AUTS2: variants seen among roughly 807,000 people sequenced by gnomAD.
AUTS2 encodes activator of transcription and developmental regulator AUTS2.
A neutral mutation model predicts 112.4 loss-of-function variants in AUTS2; 17 were observed. That is an observed-to-expected ratio of 0.15 (90% CI 0.10 to 0.23). The LOEUF (loss-of-function observed/expected upper bound fraction) is 0.23, where lower values mean the gene tolerates loss of function less well. Among genes scored for constraint, AUTS2 ranks in the 10% least tolerant of loss-of-function variants. The pLI, the probability that AUTS2 is intolerant of heterozygous loss-of-function variation, is 1.00. For missense variants in AUTS2, 1,510 were observed against 1,701.6 expected (o/e 0.89, Z 1.98); for synonymous variants, 751 against 702.7 (o/e 1.07, Z -1.09).
intron 2 of AUTS2, among the ~76,000 whole-genome samples, chr7:69,911,423 C>G (rs1795354151): frequency 6.6e-6 from 1 of 152,146 alleles, no homozygotes; most frequent in African/African-American, 2.4e-5. Flanking sequence ...ACGTGGCGAG[C>G]AGGGGGGAAA....
At position 70,617,535 on chromosome 7, in the gene AUTS2, C is replaced by T. The variant is rs192734271; in HGVS notation, c.691-81034C>T. ...AAAATTAGCTGGGCGTGGTGGCGGG[C>T]GCCTGTAGTCCCAGCTACTCAGGAG... is the stretch of plus-strand genomic sequence containing the variant. On this transcript the variant is annotated intron_variant, in intron 5 of 18. Coordinates refer to ENST00000342771, the MANE Select transcript of AUTS2 (RefSeq NM_015570.4). Among the ~76,000 whole-genome samples, 397 of 152,024 alleles carry T rather than the reference C, an allele frequency of 2.6e-3. 2 individuals are homozygous for T. Among genetic ancestry groups the T allele is most frequent in the African/African-American group, 8.7e-3 (361 of 41,474 alleles).
chr7:70,167,342 G>T (rs1219187042), intron 4 of AUTS2, among the ~76,000 whole-genome samples: 1 of 152,002 alleles, frequency 6.6e-6, no homozygotes, highest in African/African-American at 2.4e-5. Flanking sequence ...AGTGATAAAG[G>T]GATCAGTCCA....
chr7:69,928,416 T>A (rs1010230005), intron 2 of AUTS2, among the ~76,000 whole-genome samples: 2 of 152,134 alleles, frequency 1.3e-5, no homozygotes, highest in Non-Finnish European at 2.9e-5. Context: ...CCTGTCTGCC[T>A]CCTGCCGTGA....
At chr7:69,744,687 A>G (rs1169768793) in intron 1 of AUTS2, among the ~76,000 whole-genome samples, 2 of 150,008 alleles carry the variant, frequency 1.3e-5, no homozygotes, top group African/African-American at 4.9e-5. Flanking sequence ...AAAAAAAAAA[A>G]TTAGCCGATG....
chr7:70,442,958 C>T (rs1796179968), intron 5 of AUTS2, among the ~76,000 whole-genome samples: 1 of 152,178 alleles, frequency 6.6e-6, no homozygotes, highest in African/African-American at 2.4e-5. Context: ...CACATTGATA[C>T]TATCCTTGGA....
intron 6 of AUTS2, among the ~76,000 whole-genome samples, chr7:70,726,811 C>G (rs1447881049): frequency 6.6e-6 from 1 of 152,148 alleles, no homozygotes; most frequent in Non-Finnish European, 1.5e-5. Context: ...GAGAGTGGAT[C>G]TGGCGCTTTT....
At chr7:70,243,687 A>G (rs898440018) in intron 4 of AUTS2, among the ~76,000 whole-genome samples, 6 of 152,158 alleles carry the variant, frequency 3.9e-5, no homozygotes, top group Non-Finnish European at 5.9e-5. Context: ...TCCATTCTTA[A>G]GATAACTGGC....
intron 4 of AUTS2, among the ~76,000 whole-genome samples, chr7:70,154,956 G>GC (rs991538332): frequency 1.3e-5 from 2 of 152,146 alleles, no homozygotes; most frequent in Non-Finnish European, 1.5e-5. Flanking sequence ...AGCTGTCAGA[G>GC]CCCCCCTGGG....
chr7:70,651,339 G>A (rs540837301), intron 5 of AUTS2, among the ~76,000 whole-genome samples: 172 of 152,304 alleles, frequency 1.1e-3, no homozygotes, highest in African/African-American at 4.0e-3. Context: ...GCAAACTCAC[G>A]AAACTGGGAA....
At chr7:70,767,074 CAGAT>C (rs1377438039) in intron 9 of AUTS2, among the ~76,000 whole-genome samples, 1 of 152,120 alleles carries the variant, frequency 6.6e-6, no homozygotes, top group Non-Finnish European at 1.5e-5. Flanking sequence ...TAAATATTCT[CAGAT>C]AGAGTCCTGT....
intron 4 of AUTS2, among the ~76,000 whole-genome samples, chr7:70,263,003 A>C (rs1160308944): frequency 6.6e-6 from 1 of 152,216 alleles, no homozygotes; most frequent in East Asian, 1.9e-4. Context: ...AACTTCAGTA[A>C]ATTTTATTAG....
intron 1 of AUTS2, among the ~76,000 whole-genome samples, chr7:69,706,869 A>G (rs1798082269): frequency 6.6e-6 from 1 of 152,190 alleles, no homozygotes; most frequent in African/African-American, 2.4e-5. Flanking sequence ...TCATTTGGTT[A>G]CACGATATCT....
chr7:70,170,950 C>T (rs933096273), intron 4 of AUTS2, among the ~76,000 whole-genome samples: 2 of 152,062 alleles, frequency 1.3e-5, no homozygotes, highest in Non-Finnish European at 2.9e-5. Flanking sequence ...CTTGCTTGCA[C>T]GTTGAATAGA....
At chr7:70,763,377 C>G (rs1330225432) in intron 7 of AUTS2, 36 bp downstream of exon 7, 14 of 1,486,162 alleles carry the variant, frequency 9.4e-6, no homozygotes, top group Middle Eastern at 1.8e-4. Context: ...TGACTTTTGC[C>G]CTCTCCCTGG....
At position 69,899,283 on chromosome 7, in the gene AUTS2, C is replaced by A; in HGVS notation, c.310-3C>A. 1.2e-6 allele frequency: 2 copies of A among 1,610,076 alleles called. No individual in the cohort carries two copies. The highest frequency in any genetic ancestry group is 1.7e-6 in the Non-Finnish European group (2 of 1,176,560). On this transcript the variant is annotated splice_region_variant and splice_polypyrimidine_tract_variant and intron_variant, in intron 1 of 18. Transcript: ENST00000342771. The stretch of plus-strand genomic sequence containing the variant: ...TTCCCTTTCCTTCTCTTCTTTTCTA[C>A]AGAAAGATGTAGCACTTAAGCCTCA...
intron 1 of AUTS2, among the ~76,000 whole-genome samples, chr7:69,863,107 A>G (rs1356296433): frequency 6.6e-6 from 1 of 152,116 alleles, no homozygotes; most frequent in Non-Finnish European, 1.5e-5. Context: ...TTACATACAC[A>G]TATGTGTATA....
chr7:70,205,387 T>G (rs1810519858), intron 4 of AUTS2, among the ~76,000 whole-genome samples: 1 of 152,104 alleles, frequency 6.6e-6, no homozygotes, highest in Non-Finnish European at 1.5e-5. Flanking sequence ...GAAACTGAGG[T>G]CAGATAGGGC....
intron 5 of AUTS2, among the ~76,000 whole-genome samples, chr7:70,528,759 C>A (rs529159297): frequency 2.0e-5 from 3 of 150,412 alleles, no homozygotes; most frequent in Non-Finnish European, 4.4e-5. Flanking sequence ...ATTATGCCTG[C>A]GAATAGCCAC....
At chr7:70,152,627 T>C (rs182126023) in intron 4 of AUTS2, among the ~76,000 whole-genome samples, 1 of 152,148 alleles carries the variant, frequency 6.6e-6, no homozygotes, top group Non-Finnish European at 1.5e-5. Flanking sequence ...TTATGCACAA[T>C]ATATAAAGAG....
Sources: gnomAD v4.1 joint callset for allele counts (sites outside exome capture counted in the v4.1 genomes callset) on GRCh38, gnomAD v4.1.1 for gene constraint, MANE v1.5 for transcripts, NCBI Gene and HGNC (gene_info 2026-07-23, HGNC 2026-07-21) for gene names.